Variants in FAM110B observed in about 807,000 individuals in gnomAD.
FAM110B encodes family with sequence similarity 110 member B, also known as protein FAM110B.
A neutral mutation model predicts 20.4 loss-of-function variants in FAM110B; 6 were observed. That is an observed-to-expected ratio of 0.29 (90% CI 0.16 to 0.58). The LOEUF (loss-of-function observed/expected upper bound fraction) is 0.58, where lower values mean the gene tolerates loss of function less well. Ranked by LOEUF, FAM110B falls within the 20% of genes least tolerant of loss-of-function variation. The pLI is 0.90. For synonymous variants in FAM110B, 226 were observed against 214.1 expected, an observed-to-expected ratio of 1.06 and a Z score of -0.49; for missense variants, 434 against 498.2, an observed-to-expected ratio of 0.87 and a Z score of 1.23.
At chr8:58,084,702 T>A (rs1198629807) in intron 3 of FAM110B, among the ~76,000 whole-genome samples, 1 of 152,256 alleles carries the variant, frequency 6.6e-6, no homozygotes, top group East Asian at 1.9e-4. Context: ...CTCCGTTTTT[T>A]AAACATGATT....
At chr8:58,066,791 C>A (rs1452284219) in intron 2 of FAM110B, among the ~76,000 whole-genome samples, 1 of 152,066 alleles carries the variant, frequency 6.6e-6, no homozygotes, top group Non-Finnish European at 1.5e-5. Context: ...GCTTGAGGTC[C>A]CCTGATAGAA....
At chr8:58,137,559 T>TA (rs1411822984) in intron 3 of FAM110B, among the ~76,000 whole-genome samples, 211 of 146,594 alleles carry the variant, frequency 1.4e-3, no homozygotes, top group Non-Finnish European at 1.9e-3. Flanking sequence ...GCCTCCGTCT[T>TA]AAAAAAAAAA....
intron 1 of FAM110B, among the ~76,000 whole-genome samples, chr8:58,004,631 G>A (rs988688318): frequency 6.6e-5 from 10 of 152,186 alleles, no homozygotes; most frequent in Non-Finnish European, 1.3e-4. Context: ...TGTAGTCCCA[G>A]CTACATGGGA....
Position 58,105,556 on chromosome 8 carries a change from A to ATTTT in FAM110B, c.-325+29960_-325+29963dup, listed in dbSNP as rs71557704. Among the ~76,000 whole-genome samples the ATTTT allele has an allele frequency of 1.2e-3, 113 of 94,640 alleles. 1 individual carries two copies. The highest frequency in any genetic ancestry group is 1.3e-3 in the Non-Finnish European group (68 of 50,630). The allele number at this position is 94,640 out of a possible 152,430, so 62.1% of individuals were successfully genotyped here. On this transcript the variant is annotated intron_variant, in intron 3 of 3. Coordinates refer to ENST00000519262, the MANE Select transcript of FAM110B (RefSeq NM_001377989.1). Reference sequence around the variant, plus strand: ...TGAAAATGAATGAATGAATGAATGAATTTTTTTTTTTTTTTTTTTTTTTTT... The same window carrying ATTTT: ...TGAAAATGAATGAATGAATGAATGAATTTTTTTTTTTTTTTTTTTTTTTTTTTTT...
At position 58,047,823 on chromosome 8, in the gene FAM110B, T is replaced by C. The variant is rs562531650; in HGVS notation, c.-414+16120T>C. ...ATAATGAATATTGATATCTTAGGGCTTTAAAAAATAGCTTCTTTATGTAGG... is the reference window on the plus strand; with the variant it reads ...ATAATGAATATTGATATCTTAGGGCCTTAAAAAATAGCTTCTTTATGTAGG... On this transcript the variant is annotated intron_variant, in intron 2 of 3. Transcript: ENST00000519262. Among the ~76,000 whole-genome samples, 3 of 152,262 alleles carry C rather than the reference T, an allele frequency of 2.0e-5. No homozygotes were observed. In the East Asian group the frequency reaches 5.8e-4, roughly 29 times the overall value.
intron 3 of FAM110B, among the ~76,000 whole-genome samples, chr8:58,134,528 G>A (rs1310243427): frequency 6.6e-6 from 1 of 152,204 alleles, no homozygotes; most frequent in Non-Finnish European, 1.5e-5. Context: ...GAAAGGGTGT[G>A]CTAGGTATTC....
chr8:58,110,200 G>A (rs1020913188), intron 3 of FAM110B, among the ~76,000 whole-genome samples: 14 of 152,128 alleles, frequency 9.2e-5, no homozygotes, highest in Admixed American at 2.6e-4. Context: ...CCTCCAAGGC[G>A]CATGATTATA....
chr8:58,075,813 G>C (rs1313992040), intron 3 of FAM110B, among the ~76,000 whole-genome samples, 190 bp downstream of exon 3: 2 of 152,168 alleles, frequency 1.3e-5, no homozygotes, highest in Non-Finnish European at 2.9e-5. Context: ...GTCCTTGCCA[G>C]GACCAAAGTA....
chr8:58,103,624 A>G (rs577431491), intron 3 of FAM110B, among the ~76,000 whole-genome samples: 1 of 152,302 alleles, frequency 6.6e-6, no homozygotes, highest in African/African-American at 2.4e-5. Flanking sequence ...GGTGTAAGGT[A>G]TAATAGTTAG....
At chr8:58,109,628 C>T (rs1807011218) in intron 3 of FAM110B, among the ~76,000 whole-genome samples, 1 of 152,192 alleles carries the variant, frequency 6.6e-6, no homozygotes, top group South Asian at 2.1e-4. Context: ...AAGCTGTGCT[C>T]CACTGACACA....
At chr8:58,027,636 A>C (rs555242009) in intron 1 of FAM110B, among the ~76,000 whole-genome samples, 10 of 152,240 alleles carry the variant, frequency 6.6e-5, no homozygotes, top group African/African-American at 2.4e-4. Context: ...CCAATCATTG[A>C]TGTGCTTTCT....
At chr8:58,036,113 T>C (rs1163692917) in intron 2 of FAM110B, among the ~76,000 whole-genome samples, 1 of 152,058 alleles carries the variant, frequency 6.6e-6, no homozygotes, top group Non-Finnish European at 1.5e-5. Flanking sequence ...AGGGAAGGAG[T>C]AGGCAGCCTC....
At chr8:58,028,414 A>G (rs1804894936) in intron 1 of FAM110B, among the ~76,000 whole-genome samples, 1 of 152,094 alleles carries the variant, frequency 6.6e-6, no homozygotes, top group Admixed American at 6.5e-5. Flanking sequence ...TTAACACTTG[A>G]TATTTTGAAA....
intron 2 of FAM110B, among the ~76,000 whole-genome samples, chr8:58,059,661 A>G (rs914554829): frequency 6.6e-6 from 1 of 150,782 alleles, no homozygotes; most frequent in East Asian, 1.9e-4. Flanking sequence ...TTTTTCAAGT[A>G]TGTGTATTGG....
In FAM110B at chr8:58,147,308, C is replaced by A; in HGVS notation, c.1078C>A (p.Gln360Lys). The A allele has an allele frequency of 6.2e-7, 1 of 1,614,058 alleles. No homozygotes were observed. Among genetic ancestry groups the A allele is most frequent in the Non-Finnish European group, 8.5e-7 (1 of 1,179,952 alleles). ...RIIKWLYSIKQARESQKVSHV is the reference protein window; with the variant it reads ...RIIKWLYSIKKARESQKVSHV The stretch of plus-strand genomic sequence containing the variant: ...CATCAAGTGGTTATATAGCATCAAA[C>A]AAGCTAGAGAGTCACAGAAGGTCTC... The change falls in exon 4 of 4, where the codon CAA becomes AAA. Residue 360 changes from glutamine to lysine, a missense_variant. Physicochemically the swap from Gln to Lys is moderately conservative, Grantham distance 53. Coordinates refer to ENST00000519262, the MANE Select transcript of FAM110B (RefSeq NM_001377989.1).
rs146873530 is a variant in FAM110B at position 58,084,844 on chromosome 8, A to G, written c.-325+9221A>G. Among the ~76,000 whole-genome samples, 1,110 of 152,186 alleles carry G rather than the reference A, an allele frequency of 7.3e-3. 11 individuals are homozygous for G. The highest frequency in any genetic ancestry group is 0.025 in the African/African-American group (1,047 of 41,514). The stretch of plus-strand genomic sequence containing the variant: ...AGGCTGCTGTCAGGTGCCAGCAGGG[A>G]TTTTATGGATCATTACCAAGGAAAT... On this transcript the variant is annotated intron_variant, in intron 3 of 3. Coordinates refer to ENST00000519262, the MANE Select transcript of FAM110B (RefSeq NM_001377989.1).
At chr8:58,107,833 C>G (rs1806959462) in intron 3 of FAM110B, among the ~76,000 whole-genome samples, 1 of 152,174 alleles carries the variant, frequency 6.6e-6, no homozygotes, top group Non-Finnish European at 1.5e-5. Context: ...TGACAGCATG[C>G]TTGGTTACAT....
At chr8:58,137,288 G>A (rs540856942) in intron 3 of FAM110B, among the ~76,000 whole-genome samples, 16 of 152,258 alleles carry the variant, frequency 1.1e-4, no homozygotes, top group South Asian at 2.1e-4. Context: ...GGCCAGGCAC[G>A]GTGGCTCATG....
At chr8:58,075,275 T>TGTGTGTGTGTGTGTGTGTGTGTG (rs1554521069) in intron 2 of FAM110B, among the ~76,000 whole-genome samples, 6 of 141,740 alleles carry the variant, frequency 4.2e-5, no homozygotes, top group African/African-American at 1.7e-4. Context: ...TTTTTTTTTT[T>TGTGTGTGTGTGTGTGTGTGTGTG]TGTGTGTGTG....
Sources: gnomAD v4.1 joint callset for allele counts (sites outside exome capture counted in the v4.1 genomes callset) on GRCh38, gnomAD v4.1.1 for gene constraint, MANE v1.5 for transcripts, NCBI Gene and HGNC (gene_info 2026-07-23, HGNC 2026-07-21) for gene names.